Variants in HMGB1 observed in about 807,000 individuals in gnomAD.
HMGB1 encodes high mobility group protein B1.
For synonymous variants in HMGB1, 81 were observed against 84.0 expected (o/e 0.96, Z 0.19); for missense variants, 79 against 253.5 (o/e 0.31, Z 4.67).
intron 1 of HMGB1, among the ~76,000 whole-genome samples, chr13:30,586,479 GTTTTTTTTTTTT>G (rs11315470): frequency 1.9e-5 from 2 of 105,070 alleles, no homozygotes; most frequent in South Asian, 3.4e-4. Context: ...GGTTTTTTTT[GTTTTTTTTTTTT>G]TTTTTTTTTT....
chr13:30,532,474 G>A (rs1888518308), intron 1 of HMGB1, among the ~76,000 whole-genome samples: 1 of 151,670 alleles, frequency 6.6e-6, no homozygotes, highest in African/African-American at 2.4e-5. Context: ...CCATTATATT[G>A]CTATGTCATA....
At chr13:30,484,474 C>T (rs941231173) in intron 1 of HMGB1, among the ~76,000 whole-genome samples, 1 of 152,232 alleles carries the variant, frequency 6.6e-6, no homozygotes, top group African/African-American at 2.4e-5. Context: ...AGGATCTTCA[C>T]CACGTTCCTC....
intron 1 of HMGB1, among the ~76,000 whole-genome samples, chr13:30,518,314 A>C (rs375174058): frequency 5.9e-5 from 9 of 152,226 alleles, no homozygotes; most frequent in Non-Finnish European, 5.9e-5. Context: ...TCCAGCCTGG[A>C]CAACAGAGAC....
chr13:30,542,332 C>T (rs1868931862), intron 1 of HMGB1: 2 of 166,512 alleles, frequency 1.2e-5, no homozygotes, highest in Non-Finnish European at 2.6e-5. Context: ...GTGGACTCTC[C>T]ATACTCAGAT....
intron 1 of HMGB1, among the ~76,000 whole-genome samples, chr13:30,475,862 G>C (rs1453726023): frequency 6.6e-6 from 1 of 152,190 alleles, no homozygotes; most frequent in African/African-American, 2.4e-5. Flanking sequence ...CCCTCAAAGA[G>C]GTCAGGGTTC....
In HMGB1 at chr13:30,514,153, T is replaced by C. The variant is rs554306054; in HGVS notation, c.-14-50459A>G. Among the ~76,000 whole-genome samples, 202 of 152,134 alleles carry C rather than the reference T, an allele frequency of 1.3e-3. 1 individual carries two copies. The highest frequency in any genetic ancestry group is 2.5e-3 in the Non-Finnish European group (167 of 67,988). ...TTATGGAAGTCATCTAACTGGTTCT[T>C]ATCTATAAAATGGGAGTAACCGTAG... On this transcript the variant is annotated intron_variant, in intron 1 of 4. Coordinates refer to the HMGB1 transcript ENST00000405805.
At chr13:30,466,027 C>T (rs958767633), upstream of HMGB1, 1 of 886,146 alleles carries the variant, frequency 1.1e-6, no homozygotes, top group African/African-American at 1.8e-5. Context: ...GACCAGAGCC[C>T]GTTTGCTATT....
chr13:30,592,280 TTTTC>T (rs1187850310), intron 1 of HMGB1, among the ~76,000 whole-genome samples: 3 of 152,182 alleles, frequency 2.0e-5, no homozygotes, highest in Non-Finnish European at 4.4e-5. Context: ...TCACAGCTCC[TTTTC>T]TTTGGCATAT....
chr13:30,546,987 C>A (rs1020714092), intron 1 of HMGB1, among the ~76,000 whole-genome samples: 10 of 152,182 alleles, frequency 6.6e-5, no homozygotes, highest in African/African-American at 2.4e-4. Flanking sequence ...TCAAAACATT[C>A]TTTATCCCTA....
intron 1 of HMGB1, among the ~76,000 whole-genome samples, chr13:30,487,079 A>G (rs1372925499): frequency 6.6e-6 from 1 of 152,260 alleles, no homozygotes; most frequent in African/African-American, 2.4e-5. Context: ...GACCTGAGCC[A>G]GGGAGCTGAA....
intron 1 of HMGB1, among the ~76,000 whole-genome samples, chr13:30,612,003 T>C (rs1355122108): frequency 1.3e-5 from 2 of 152,146 alleles, no homozygotes; most frequent in South Asian, 2.1e-4. Flanking sequence ...GCCATGTAAA[T>C]TGAAAATTGG....
intron 1 of HMGB1, among the ~76,000 whole-genome samples, chr13:30,558,575 C>T (rs1570613): frequency 0.68 from 103,660 of 152,046 alleles, 36,887 homozygotes; most frequent in East Asian, 0.92. Flanking sequence ...TTAAAATGTC[C>T]GGGCTTTTAG....
In HMGB1 at chr13:30,580,852, G is replaced by C. The variant is rs116889789; in HGVS notation, c.-15+35819C>G. 6.0e-3 allele frequency among the ~76,000 whole-genome samples: 913 copies of C among 152,282 alleles called. 5 individuals are homozygous for C. The highest frequency in any genetic ancestry group is 9.8e-3 in the Non-Finnish European group (667 of 68,020). On this transcript the variant is annotated intron_variant, in intron 1 of 4. Coordinates refer to the HMGB1 transcript ENST00000405805. ...AATAGCTTGTCTTTATCCACTGCTT[G>C]TATTTTTCCATGTAGCTAATCCTCA...
At chr13:30,534,449 T>TC (rs1285480454) in intron 1 of HMGB1, among the ~76,000 whole-genome samples, 1 of 148,830 alleles carries the variant, frequency 6.7e-6, no homozygotes, top group Non-Finnish European at 1.5e-5. Context: ...CATTTTTTTT[T>TC]CCCCACACAT....
rs1886033046 is a variant in HMGB1, at chr13:30,457,353, C to G, written c.*4004G>C. The G allele has an allele frequency of 6.6e-6, 1 of 152,172 alleles. No homozygotes were observed. Among genetic ancestry groups the G allele is most frequent in the South Asian group, 2.1e-4 (1 of 4,824 alleles). 9.4% of individuals were successfully genotyped at this position (152,172 alleles called of 1,614,324 possible). A position where few individuals can be genotyped will look rare whatever the true frequency, so the allele number is the denominator to read the frequency against. On this transcript the variant is annotated 3_prime_UTR_variant, in exon 5 of 5. Coordinates refer to ENST00000341423, the MANE Select transcript of HMGB1 (RefSeq NM_002128.7). ...ACCCTTGCCCACCACTGCTCATGCT[C>G]ACTTACAGGTTTAGTCATACTATTG...
intron 1 of HMGB1, among the ~76,000 whole-genome samples, chr13:30,586,479 GTTT>G (rs11315470): frequency 0.015 from 1,550 of 105,126 alleles, 46 homozygotes; most frequent in African/African-American, 0.045. Context: ...GGTTTTTTTT[GTTT>G]TTTTTTTTTT....
Position 30,462,720 on chromosome 13 carries a change from A to T in HMGB1, c.297-8T>A. The T allele has an allele frequency of 6.2e-7, 1 of 1,609,182 alleles. No individual in the cohort carries two copies. Among genetic ancestry groups the T allele is most frequent in the Non-Finnish European group, 8.5e-7 (1 of 1,177,872 alleles). ...AAGAGGAAGAAGGCCGAACTAAAAA[A>T]AAAATTAATTTTAGGATTTTAAGTT... On this transcript the variant is annotated splice_polypyrimidine_tract_variant and splice_region_variant and intron_variant, in intron 3 of 4. Transcript: ENST00000341423.
intron 1 of HMGB1, chr13:30,553,984 A>T: frequency 6.7e-7 from 1 of 1,487,750 alleles, no homozygotes; most frequent in South Asian, 1.1e-5. Context: ...TGGCAGCAGA[A>T]GACCAAAGCA....
At chr13:30,608,977 T>C (rs1341728816) in intron 1 of HMGB1, among the ~76,000 whole-genome samples, 1 of 152,150 alleles carries the variant, frequency 6.6e-6, no homozygotes, top group Non-Finnish European at 1.5e-5. Flanking sequence ...GATTAATAGG[T>C]GAGGCCGGGC....
Sources: allele counts gnomAD v4.1 joint callset (sites outside exome capture counted in the v4.1 genomes callset), GRCh38; gene constraint gnomAD v4.1.1; transcripts MANE v1.5; gene names NCBI Gene and HGNC (gene_info 2026-07-23, HGNC 2026-07-21).